The following CEP170 variants were observed in gnomAD, a reference collection of about 807,000 sequenced individuals.
The protein encoded by CEP170 is centrosomal protein 170, also known as centrosomal protein of 170 kDa.
Under a neutral mutation model 151.9 loss-of-function variants are expected in CEP170, and 21 were observed. That is an observed-to-expected ratio of 0.14 (90% confidence interval 0.10 to 0.20). CEP170 has a LOEUF of 0.20. CEP170 is among the 10% of genes least tolerant of loss of function. The pLI, the probability that CEP170 is intolerant of heterozygous loss-of-function variation, is 1.00. For missense variants in CEP170, 964 were observed against 1,892.9 expected, an observed-to-expected ratio of 0.51 and a Z score of 9.11; for synonymous variants, 356 against 648.8, an observed-to-expected ratio of 0.55 and a Z score of 6.86.
Position 243,191,037 on chromosome 1 carries a change from C to A in CEP170, c.1089G>T (p.Val363=). 1 of 1,594,008 alleles carries A rather than the reference C, an allele frequency of 6.3e-7. No individual in the cohort carries two copies. Among genetic ancestry groups the A allele is most frequent in the Non-Finnish European group, 8.6e-7 (1 of 1,168,580 alleles). ...CTTTACCTTTCAACCTTTTCAAGTA[C>A]ACTGGAACATCACTTTTAATGCTTT... The part of the protein sequence containing the change: ...DSKSIKSDVP[V]YLKRLKGNKH... The change falls in exon 8 of 20, where the codon GTG becomes GTT. Residue 363 remains valine, a synonymous_variant. Transcript: ENST00000366542.
intron 17 of CEP170, among the ~76,000 whole-genome samples, chr1:243,131,434 A>G (rs2054395026): frequency 6.6e-6 from 1 of 152,086 alleles, no homozygotes; most frequent in Non-Finnish European, 1.5e-5. Context: ...TCGAGGCTGC[A>G]CTGAGTGAGT....
At chr1:243,141,844 GTGTA>G (rs2055871127) in intron 15 of CEP170, among the ~76,000 whole-genome samples, 1 of 152,152 alleles carries the variant, frequency 6.6e-6, no homozygotes, top group Non-Finnish European at 1.5e-5. Context: ...ATATCTTTAT[GTGTA>G]TGTGTTTGTA....
intron 2 of CEP170, 32 bp downstream of exon 2, chr1:243,225,144 T>G (rs769346024): frequency 7.5e-7 from 1 of 1,335,926 alleles, no homozygotes; most frequent in Admixed American, 2.7e-5. Context: ...AAGTTTTGAA[T>G]AAACACATAT....
chr1:243,216,958 GA>G (rs2062357886), intron 3 of CEP170, among the ~76,000 whole-genome samples: 2 of 152,174 alleles, frequency 1.3e-5, no homozygotes, highest in Non-Finnish European at 2.9e-5. Context: ...AACATTCTGA[GA>G]AACACATCAC....
At chr1:243,241,877 TA>T (rs2064881590) in intron 1 of CEP170, among the ~76,000 whole-genome samples, 2 of 145,546 alleles carry the variant, frequency 1.4e-5, no homozygotes. Context: ...TACAGGAGGG[TA>T]GGGGGAGTGG....
Position 243,165,943 on chromosome 1 carries a change from G to A in CEP170, c.2017C>T (p.Gln673Ter). 6.2e-7 allele frequency: 1 copy of A among 1,613,698 alleles called. No individual in the cohort carries two copies. Among genetic ancestry groups the A allele is most frequent in the Non-Finnish European group, 8.5e-7 (1 of 1,179,702 alleles). The change falls in exon 13 of 20, where the codon CAA becomes TAA. Residue 673 changes from glutamine to a stop codon, truncating the protein, a stop_gained. Transcript: ENST00000366542. LOFTEE classifies it high-confidence loss of function. ...TCTTTCTCCTGAAGTTCTGTGTCTTGTTTTTCTCCTATCTCTGACCTCTGT... is the reference window on the plus strand; with the variant it reads ...TCTTTCTCCTGAAGTTCTGTGTCTTATTTTTCTCCTATCTCTGACCTCTGT... ...VTQRSEIGEK[Q>*]DTELQEKETP... is the part of the protein sequence containing the mutation.
intron 10 of CEP170, among the ~76,000 whole-genome samples, chr1:243,174,111 T>C (rs2148633737): frequency 6.6e-6 from 1 of 152,352 alleles, no homozygotes; most frequent in South Asian, 2.1e-4. Flanking sequence ...TGTCCAACAC[T>C]TCTGAAAAGT....
intron 10 of CEP170, among the ~76,000 whole-genome samples, chr1:243,183,887 C>A (rs2059782130): frequency 6.6e-6 from 1 of 152,158 alleles, no homozygotes; most frequent in South Asian, 2.1e-4. Flanking sequence ...TTGTAGGCAA[C>A]AGGTGTAAAA....
At chr1:243,212,014 T>C in intron 3 of CEP170, 50 bp from the exon 4 acceptor site, 1 of 1,364,002 alleles carries the variant, frequency 7.3e-7, no homozygotes, top group Non-Finnish European at 9.6e-7. Context: ...GTATTAATTC[T>C]TACATTTCAG....
chr1:243,156,999 AC>A (rs1479038845), intron 13 of CEP170, among the ~76,000 whole-genome samples: 2 of 152,232 alleles, frequency 1.3e-5, no homozygotes, highest in African/African-American at 4.8e-5. Context: ...AGAAAAAAAA[AC>A]ATTACCTCTG....
Position 243,205,770 on chromosome 1 carries a change from A to C in CEP170, c.275-4935T>G, listed in dbSNP as rs115924535. 9.4e-3 allele frequency among the ~76,000 whole-genome samples: 1,432 copies of C among 152,346 alleles called. 24 individuals carry two copies. Among genetic ancestry groups the C allele is most frequent in the African/African-American group, 0.033 (1,362 of 41,578 alleles). On this transcript the variant is annotated intron_variant, in intron 4 of 19. Transcript: ENST00000366542. ...GCCTGCCATCTAATAAAAAATTACT[A>C]TGAGTGTAAAAATTAATCAATGGAA... is the stretch of plus-strand genomic sequence containing the variant.
chr1:243,188,519 C>T (rs1442649035), intron 8 of CEP170, among the ~76,000 whole-genome samples: 1 of 152,190 alleles, frequency 6.6e-6, no homozygotes, highest in Non-Finnish European at 1.5e-5. Flanking sequence ...AGGAAACAGT[C>T]CTCACCAAGT....
rs869094317 is a variant in CEP170 at position 243,178,308 on chromosome 1, C to CAAAAA, written c.1567-5467_1567-5463dup. 7.6e-3 allele frequency among the ~76,000 whole-genome samples: 232 copies of CAAAAA among 30,424 alleles called. 35 individuals are homozygous for CAAAAA. The highest frequency in any genetic ancestry group is 0.032 in the African/African-American group (195 of 6,118). 20.0% of individuals were successfully genotyped at this position (30,424 alleles called of 152,430 possible). On this transcript the variant is annotated intron_variant, in intron 10 of 19. Coordinates refer to ENST00000366542, the MANE Select transcript of CEP170 (RefSeq NM_014812.3). ...TGGGCAACAGAGCGAGACTCTGCCTCAAAAAAAAAAAAAAAAAAAAAAAAA... is the reference window on the plus strand; with the variant it reads ...TGGGCAACAGAGCGAGACTCTGCCTCAAAAAAAAAAAAAAAAAAAAAAAAAAAAAA...
chr1:243,210,004 T>C (rs1417633330), intron 4 of CEP170, among the ~76,000 whole-genome samples: 3 of 152,196 alleles, frequency 2.0e-5, no homozygotes, highest in Non-Finnish European at 2.9e-5. Flanking sequence ...ACAGATGCTA[T>C]TTTAAAATAA....
intron 1 of CEP170, among the ~76,000 whole-genome samples, chr1:243,249,559 A>G (rs2149193203): frequency 6.6e-6 from 1 of 152,306 alleles, no homozygotes; most frequent in Non-Finnish European, 1.5e-5. Context: ...GGTTTTTCAT[A>G]TTATTTCTTT....
intron 2 of CEP170, among the ~76,000 whole-genome samples, chr1:243,223,392 A>G (rs2062976386): frequency 6.6e-6 from 1 of 152,342 alleles, no homozygotes; most frequent in Middle Eastern, 3.4e-3. Flanking sequence ...ATGGCTACTC[A>G]TGGAGCCAGA....
At chr1:243,128,134 T>C in intron 19 of CEP170, 115 bp downstream of exon 19, 2 of 805,904 alleles carry the variant, frequency 2.5e-6, no homozygotes, top group South Asian at 2.5e-5. Flanking sequence ...CTGTATTTTA[T>C]GTATGTCATT....
intron 10 of CEP170, among the ~76,000 whole-genome samples, chr1:243,184,586 T>C (rs865913268): frequency 6.6e-6 from 1 of 152,168 alleles, no homozygotes; most frequent in African/African-American, 2.4e-5. Flanking sequence ...TCACAATAAA[T>C]GTATGTTTAG....
In CEP170 at chr1:243,146,052, T is replaced by C. The variant is rs145779282; in HGVS notation, c.3912-3589A>G. 7.0e-3 allele frequency among the ~76,000 whole-genome samples: 1,059 copies of C among 152,308 alleles called. 2 individuals are homozygous for C. The highest frequency in any genetic ancestry group is 0.011 in the Non-Finnish European group (768 of 68,020). Reference sequence around the variant, plus strand: ...GGAAAAAAAAGTCTAACGTCAATTATTCTAAGTGAAGTAATTCAGGAATGG... The same window carrying C: ...GGAAAAAAAAGTCTAACGTCAATTACTCTAAGTGAAGTAATTCAGGAATGG... On this transcript the variant is annotated intron_variant, in intron 14 of 19. Transcript: ENST00000366542.
Sources: allele counts gnomAD v4.1 joint callset (sites outside exome capture counted in the v4.1 genomes callset), GRCh38; gene constraint gnomAD v4.1.1; transcripts MANE v1.5; gene names NCBI Gene and HGNC (gene_info 2026-07-23, HGNC 2026-07-21).